ASH1L: variants seen among roughly 807,000 people sequenced by gnomAD.
ASH1L encodes histone-lysine N-methyltransferase ASH1L.
A neutral mutation model predicts 269.0 loss-of-function variants in ASH1L; 23 were observed. The observed-to-expected ratio is 0.09, with a 90% CI of 0.06 to 0.12. The LOEUF (loss-of-function observed/expected upper bound fraction) is 0.12. ASH1L is among the 10% of genes least tolerant of loss of function. ASH1L has a pLI of 1.00. For missense variants in ASH1L, 2,912 were observed against 3,567.8 expected, an observed-to-expected ratio of 0.82 and a Z score of 4.68; for synonymous variants, 1,187 against 1,253.5, an observed-to-expected ratio of 0.95 and a Z score of 1.12.
At position 155,415,864 on chromosome 1, in the gene ASH1L, T is replaced by G; in HGVS notation, c.5888A>C (p.Glu1963Ala). 1 of 1,613,630 alleles carries G rather than the reference T, an allele frequency of 6.2e-7. No homozygotes were observed. The highest frequency in any genetic ancestry group is 8.5e-7 in the Non-Finnish European group (1 of 1,179,886). The change falls in exon 6 of 28, where the codon GAA becomes GCA. Residue 1963 changes from glutamate to alanine, a missense_variant. By Grantham distance (107) the Glu-to-Ala change is moderately radical. Transcript: ENST00000392403. ...SPSETPAKPS[E>A]PESTLQPVLS... is the part of the protein sequence containing the mutation. ...CACAGGCTGCAAGGTACTTTCAGGT[T>G]CAGAAGGTTTAGCTGGGGTTTCAGA...
At chr1:155,532,332 T>C (rs1323617393) in intron 1 of ASH1L, among the ~76,000 whole-genome samples, 2 of 152,188 alleles carry the variant, frequency 1.3e-5, no homozygotes, top group Non-Finnish European at 2.9e-5. Flanking sequence ...TTACTAATTA[T>C]ATTAATAGGA....
chr1:155,370,782 C>T lies in ASH1L; in HGVS notation c.6534G>A (p.Glu2178=). 1 of 1,614,202 alleles carries T rather than the reference C, an allele frequency of 6.2e-7. No individual in the cohort carries two copies. Among genetic ancestry groups the T allele is most frequent in the Non-Finnish European group, 8.5e-7 (1 of 1,180,032 alleles). Residue 2178 remains glutamate, a synonymous_variant, in exon 11 of 28, where the codon GAG becomes GAA. Coordinates refer to ENST00000392403, the MANE Select transcript of ASH1L (RefSeq NM_018489.3). ...ATCATCATTTACCACCGTACCTGAA[C>T]TCCTGTTCACTGACGACCTCCCCTA... ...EYLGEVVSEQ[E]FRNRMIEQYH... is the part of the protein sequence containing the mutation.
At position 155,339,374 on chromosome 1, in the gene ASH1L, GAGA is replaced by G; in HGVS notation, c.8461-9_8461-7del. 6.2e-7 allele frequency: 1 copy of G among 1,613,604 alleles called. No individual in the cohort carries two copies. Among genetic ancestry groups the G allele is most frequent in the Non-Finnish European group, 8.5e-7 (1 of 1,179,526 alleles). On this transcript the variant is annotated splice_region_variant and splice_polypyrimidine_tract_variant and intron_variant, in intron 25 of 27. Coordinates refer to ENST00000392403, the MANE Select transcript of ASH1L (RefSeq NM_018489.3). ...TTGTCTGGGACGTAATGAGGCTGCA[GAGA>G]AGAAAAGGAAGAGGTAAGCATATTG...
chr1:155,340,946 C>T (rs1315767658), intron 25 of ASH1L, among the ~76,000 whole-genome samples: 3 of 151,838 alleles, frequency 2.0e-5, no homozygotes, highest in Non-Finnish European at 4.4e-5. Flanking sequence ...ACAATAAACA[C>T]CACCACCACA....
At chr1:155,433,259 C>T (rs1661754743) in intron 5 of ASH1L, 7 of 1,556,316 alleles carry the variant, frequency 4.5e-6, no homozygotes, top group Non-Finnish European at 6.1e-6. Flanking sequence ...GGGGCCGGAG[C>T]CGGGCTGGGT....
rs539913036 is a variant in ASH1L at position 155,538,329 on chromosome 1, T to C, written c.-99-16711A>G. Among the ~76,000 whole-genome samples, 4 of 148,318 alleles carry C rather than the reference T, an allele frequency of 2.7e-5. No homozygotes were observed. In the South Asian group the frequency reaches 8.6e-4, roughly 32 times the overall value. On this transcript the variant is annotated intron_variant, in intron 1 of 27. Coordinates refer to ENST00000392403, the MANE Select transcript of ASH1L (RefSeq NM_018489.3). Reference sequence around the variant, plus strand: ...AAGTGCTGGGATTACAGGCATGAGCTATGGCACCTGGCGTTTTTTTGTTTG... The same window carrying C: ...AAGTGCTGGGATTACAGGCATGAGCCATGGCACCTGGCGTTTTTTTGTTTG...
chr1:155,481,853 T>C lies in ASH1L; in HGVS notation c.1017A>G (p.Gly339=). 2 of 1,614,220 alleles carry C rather than the reference T, an allele frequency of 1.2e-6. No individual in the cohort carries two copies. Among genetic ancestry groups the C allele is most frequent in the Non-Finnish European group, 1.7e-6 (2 of 1,180,024 alleles). The stretch of plus-strand genomic sequence containing the variant: ...GAACAATACCAATTCCTAGCTTCTT[T>C]CCTGAATCTTTGCTTAGCAGTCCTA... ...TTVGLLSKDS[G]KKLGIGIVPG... is the part of the protein sequence containing the mutation. The change falls in exon 3 of 28, where the codon GGA becomes GGG. Residue 339 remains glycine, a synonymous_variant. Transcript: ENST00000392403.
At chr1:155,397,210 T>C (rs551020027) in intron 6 of ASH1L, among the ~76,000 whole-genome samples, 2 of 151,044 alleles carry the variant, frequency 1.3e-5, no homozygotes, top group South Asian at 2.1e-4. Context: ...GTAAGAAAGA[T>C]TGCTGACCGG....
chr1:155,501,512 A>C (rs955354535), intron 2 of ASH1L, among the ~76,000 whole-genome samples: 2 of 152,170 alleles, frequency 1.3e-5, no homozygotes, highest in African/African-American at 4.8e-5. Context: ...CTGGGACTAC[A>C]GGTGGGTGTC....
At chr1:155,510,291 G>A (rs981738714) in intron 2 of ASH1L, among the ~76,000 whole-genome samples, 1 of 150,998 alleles carries the variant, frequency 6.6e-6, no homozygotes, top group Non-Finnish European at 1.5e-5. Context: ...GTGCACACCT[G>A]TAATCCCAGC....
chr1:155,358,504 T>C (rs907782600), intron 13 of ASH1L, among the ~76,000 whole-genome samples: 1 of 151,488 alleles, frequency 6.6e-6, no homozygotes, highest in Non-Finnish European at 1.5e-5. Context: ...GCTAACATGG[T>C]AAAACCCAGT....
At chr1:155,528,318 T>C (rs774917799) in intron 1 of ASH1L, among the ~76,000 whole-genome samples, 1 of 152,200 alleles carries the variant, frequency 6.6e-6, no homozygotes, top group Admixed American at 6.5e-5. Context: ...GTCCATTTGG[T>C]CAGCTAAGTT....
intron 5 of ASH1L, among the ~76,000 whole-genome samples, chr1:155,426,257 A>C (rs1315509549): frequency 6.6e-6 from 1 of 151,410 alleles, no homozygotes; most frequent in African/African-American, 2.4e-5. Flanking sequence ...TTTAGTAGAG[A>C]TGGGGTTTCA....
At position 155,480,276 on chromosome 1, in the gene ASH1L, G is replaced by T. The variant is rs1420207670; in HGVS notation, c.2594C>A (p.Pro865His). ...TTCAATTTCTGGCTGTAAAATTGGG[G>T]GTTCTTGTTCTTCCTTAGACTGTAA... ...FSLQSKEEQE[P>H]PILQPEIEIP... The change falls in exon 3 of 28, where the codon CCC (proline) becomes CAC (histidine). Residue 865 changes from proline (P) to histidine (H), a missense_variant. Transcript: ENST00000392403. The T allele has an allele frequency of 6.2e-7, 1 of 1,614,130 alleles. No homozygotes were observed. The highest frequency in any genetic ancestry group is 1.1e-5 in the South Asian group (1 of 91,082).
intron 1 of ASH1L, among the ~76,000 whole-genome samples, chr1:155,551,797 G>A (rs376191442): frequency 3.5e-5 from 5 of 143,254 alleles, no homozygotes; most frequent in South Asian, 2.2e-4. Context: ...GTGAAACCCC[G>A]TCTCTACTAA....
chr1:155,378,197 G>C (rs906316841), intron 10 of ASH1L, 84 bp downstream of exon 10: 1 of 993,810 alleles, frequency 1.0e-6, no homozygotes, highest in Non-Finnish European at 1.5e-6. Flanking sequence ...AAATCAAAGA[G>C]CCTATTTAAC....
At chr1:155,537,231 G>T (rs1328090875) in intron 1 of ASH1L, among the ~76,000 whole-genome samples, 2 of 152,080 alleles carry the variant, frequency 1.3e-5, no homozygotes, top group East Asian at 3.8e-4. Flanking sequence ...ATATTACAAT[G>T]ATTATATCTG....
At chr1:155,413,831 A>G (rs1464674728) in intron 6 of ASH1L, among the ~76,000 whole-genome samples, 2 of 152,202 alleles carry the variant, frequency 1.3e-5, no homozygotes. Flanking sequence ...TACATACTTC[A>G]CAACTTCTCT....
At chr1:155,525,207 A>C (rs1342407076) in intron 1 of ASH1L, among the ~76,000 whole-genome samples, 2 of 152,192 alleles carry the variant, frequency 1.3e-5, no homozygotes, top group African/African-American at 4.8e-5. Context: ...TGTTCATGCC[A>C]CTGGACTCCA....
Sources: gnomAD v4.1 joint callset for allele counts (sites outside exome capture counted in the v4.1 genomes callset) on GRCh38, gnomAD v4.1.1 for gene constraint, MANE v1.5 for transcripts, NCBI Gene and HGNC (gene_info 2026-07-23, HGNC 2026-07-21) for gene names.